CFAP61: variants seen among roughly 807,000 people sequenced by gnomAD.
CFAP61 encodes the protein cilia- and flagella-associated protein 61.
In CFAP61, 107 loss-of-function variants were observed where a neutral mutation model predicts 135.6. The observed-to-expected ratio is 0.79, with a 90% CI of 0.67 to 0.93. The LOEUF (loss-of-function observed/expected upper bound fraction) is 0.93, where lower values mean the gene tolerates loss of function less well. CFAP61 is among the 40% of genes least tolerant of loss of function. The pLI is 0.00. For synonymous variants in CFAP61, 575 were observed against 578.5 expected (o/e 0.99, Z 0.09); for missense variants, 1,507 against 1,556.2 (o/e 0.97, Z 0.53).
intron 9 of CFAP61, among the ~76,000 whole-genome samples, chr20:20,150,906 C>T (rs1028604608): frequency 1.3e-5 from 2 of 152,164 alleles, no homozygotes; most frequent in Middle Eastern, 3.2e-3. Flanking sequence ...ATCTGAACAG[C>T]AGCCCTTGAG....
chr20:20,319,367 T>C (rs993958877), intron 25 of CFAP61, among the ~76,000 whole-genome samples: 26 of 152,224 alleles, frequency 1.7e-4, no homozygotes, highest in African/African-American at 6.0e-4. Context: ...ATTACTGATA[T>C]GGTTTGGATT....
intron 3 of CFAP61, 94 bp downstream of exon 3, chr20:20,071,098 C>A: frequency 1.6e-6 from 2 of 1,222,646 alleles, no homozygotes; most frequent in Non-Finnish European, 2.3e-6. Flanking sequence ...TTGTACTGAG[C>A]AGTATATGAC....
intron 22 of CFAP61, among the ~76,000 whole-genome samples, chr20:20,282,327 ATT>A: frequency 6.6e-6 from 1 of 151,584 alleles, no homozygotes; most frequent in South Asian, 2.1e-4. Flanking sequence ...GCTCTTAATT[ATT>A]TTCTTCCTTC....
chr20:20,068,089 A>G (rs1201717522), intron 2 of CFAP61, among the ~76,000 whole-genome samples: 1 of 152,164 alleles, frequency 6.6e-6, no homozygotes, highest in Non-Finnish European at 1.5e-5. Flanking sequence ...GTAAGACCCA[A>G]CCAGCATCCT....
Position 20,246,123 on chromosome 20 carries a change from C to T in CFAP61, c.2067C>T (p.His689=), listed in dbSNP as rs1569185105. 1 of 1,603,626 alleles carries T rather than the reference C, an allele frequency of 6.2e-7. No individual in the cohort carries two copies. The highest frequency in any genetic ancestry group is 1.1e-5 in the South Asian group (1 of 90,402). ...CATTTTTCTTTTTCTTTAGCTCTCACATGAAGTTTAATAATCTTACCCTGA... is the reference window on the plus strand; with the variant it reads ...CATTTTTCTTTTTCTTTAGCTCTCATATGAAGTTTAATAATCTTACCCTGA... ...SFLETLVFCS[H]MKFNNLTLIS... is the part of the protein sequence containing the mutation. Residue 689 remains histidine (H), a synonymous_variant, in exon 19 of 27, where the codon CAC becomes CAT. Coordinates refer to ENST00000245957, the MANE Select transcript of CFAP61 (RefSeq NM_015585.4).
intron 6 of CFAP61, among the ~76,000 whole-genome samples, chr20:20,080,305 T>G (rs2046346817): frequency 6.6e-6 from 1 of 152,200 alleles, no homozygotes; most frequent in South Asian, 2.1e-4. Context: ...ACATAGCATC[T>G]CATCATTTAT....
At chr20:20,321,238 C>T (rs1229040887) in intron 25 of CFAP61, among the ~76,000 whole-genome samples, 2 of 151,856 alleles carry the variant, frequency 1.3e-5, no homozygotes, top group African/African-American at 4.8e-5. Context: ...AATAGTTATG[C>T]CTAAAGTTAA....
intron 25 of CFAP61, among the ~76,000 whole-genome samples, chr20:20,325,716 T>C (rs939431035): frequency 2.6e-5 from 4 of 152,360 alleles, no homozygotes; most frequent in African/African-American, 9.6e-5. Flanking sequence ...TTCAACTCTT[T>C]TGGGACTATA....
chr20:20,229,545 C>T (rs1348550164), intron 18 of CFAP61, among the ~76,000 whole-genome samples: 1 of 152,098 alleles, frequency 6.6e-6, no homozygotes, highest in Non-Finnish European at 1.5e-5. Context: ...GAGTTCTTAG[C>T]TCAGGACAGG....
At chr20:20,325,045 A>G (rs2057690916) in intron 25 of CFAP61, among the ~76,000 whole-genome samples, 1 of 152,196 alleles carries the variant, frequency 6.6e-6, no homozygotes, top group Non-Finnish European at 1.5e-5. Context: ...CAGAAAGTAC[A>G]GAGTTCCTTT....
intron 8 of CFAP61, among the ~76,000 whole-genome samples, chr20:20,119,530 T>C (rs920737957): frequency 6.6e-6 from 1 of 152,202 alleles, no homozygotes; most frequent in African/African-American, 2.4e-5. Context: ...AAGGTTTGTC[T>C]ATTTTTGTAC....
chr20:20,124,759 T>A (rs1331572113), intron 8 of CFAP61, among the ~76,000 whole-genome samples: 1 of 151,782 alleles, frequency 6.6e-6, no homozygotes, highest in Non-Finnish European at 1.5e-5. Flanking sequence ...GGGTTCCTTC[T>A]TTCTCTATCT....
At chr20:20,229,384 C>T (rs1180142464) in intron 18 of CFAP61, among the ~76,000 whole-genome samples, 1 of 152,162 alleles carries the variant, frequency 6.6e-6, no homozygotes, top group East Asian at 1.9e-4. Context: ...ACTTTGGGAA[C>T]CACAGAACCC....
intron 9 of CFAP61, among the ~76,000 whole-genome samples, chr20:20,143,602 A>G (rs771782361): frequency 6.6e-6 from 1 of 152,226 alleles, no homozygotes; most frequent in Non-Finnish European, 1.5e-5. Flanking sequence ...CATCACTGTA[A>G]CAAAGGCCAG....
intron 25 of CFAP61, among the ~76,000 whole-genome samples, chr20:20,322,376 A>AC (rs950228559): frequency 1.3e-5 from 2 of 152,098 alleles, no homozygotes; most frequent in African/African-American, 4.8e-5. Flanking sequence ...TTGGGGGCCT[A>AC]CCCCCACAAA....
chr20:20,165,355 A>G (rs567593133), intron 11 of CFAP61, among the ~76,000 whole-genome samples: 3 of 152,284 alleles, frequency 2.0e-5, no homozygotes, highest in Non-Finnish European at 2.9e-5. Flanking sequence ...CTCATGCTCC[A>G]TGCCAAATCT....
intron 8 of CFAP61, among the ~76,000 whole-genome samples, chr20:20,129,702 G>T (rs2050361398): frequency 6.7e-6 from 1 of 149,924 alleles, no homozygotes; most frequent in Non-Finnish European, 1.5e-5. Context: ...TTTTTTTCAG[G>T]TAATTTTCTG....
At chr20:20,277,543 A>G in intron 22 of CFAP61, 85 bp downstream of exon 22, 1 of 1,413,402 alleles carries the variant, frequency 7.1e-7, no homozygotes, top group Non-Finnish European at 9.6e-7. Context: ...GATTGCGGGC[A>G]GTGAATTTGT....
At position 20,091,092 on chromosome 20, in the gene CFAP61, G is replaced by A. The variant is rs1472402744; in HGVS notation, c.699+116G>A. 8.4e-6 allele frequency: 10 copies of A among 1,196,962 alleles called. No homozygotes were observed. In the East Asian group the frequency reaches 1.2e-4, roughly 14 times the overall value. The allele number at this position is 1,196,962 out of a possible 1,614,324, so 74.1% of individuals were successfully genotyped here. On this transcript the variant is annotated intron_variant, in intron 7 of 26. Coordinates refer to ENST00000245957, the MANE Select transcript of CFAP61 (RefSeq NM_015585.4). ...CTGCCATTGTCTCCCTGGCCACCCC[G>A]GCCCTCCCACTGCCCTTCCAGGTGG...
Sources: gnomAD v4.1 joint callset for allele counts (sites outside exome capture counted in the v4.1 genomes callset) on GRCh38, gnomAD v4.1.1 for gene constraint, MANE v1.5 for transcripts, NCBI Gene and HGNC (gene_info 2026-07-23, HGNC 2026-07-21) for gene names.